The following CSMD2 variants were observed in gnomAD, a reference collection of about 807,000 sequenced individuals.
CSMD2 encodes the protein CUB and Sushi multiple domains 2, also known as CUB and sushi domain-containing protein 2.
A neutral mutation model predicts 398.5 loss-of-function variants in CSMD2; 130 were observed. That is an observed-to-expected ratio of 0.33 (90% CI 0.28 to 0.38). The LOEUF is 0.38. CSMD2 is among the 10% of genes least tolerant of loss of function. CSMD2 has a pLI of 1.00. For missense variants in CSMD2, 3,829 were observed against 4,764.9 expected, an observed-to-expected ratio of 0.80 and a Z score of 5.78; for synonymous variants, 1,828 against 1,908.5, an observed-to-expected ratio of 0.96 and a Z score of 1.10.
chr1:33,972,234 G>A (rs1645798132), intron 3 of CSMD2, among the ~76,000 whole-genome samples: 1 of 152,218 alleles, frequency 6.6e-6, no homozygotes, highest in Admixed American at 6.5e-5. Flanking sequence ...TCGAGGCTAA[G>A]CCAGGTCCCT....
intron 3 of CSMD2, among the ~76,000 whole-genome samples, chr1:33,943,586 T>A (rs749391325): frequency 3.3e-5 from 5 of 152,228 alleles, no homozygotes; most frequent in Non-Finnish European, 5.9e-5. Flanking sequence ...ACATTTTACA[T>A]GATTGGGTTT....
intron 6 of CSMD2, among the ~76,000 whole-genome samples, chr1:33,840,449 TC>T (rs1660738401): frequency 6.6e-6 from 1 of 152,124 alleles, no homozygotes; most frequent in African/African-American, 2.4e-5. Flanking sequence ...CCTCAAGACT[TC>T]CTTCAGACCT....
At chr1:33,645,161 T>C (rs1353531622) in intron 29 of CSMD2, among the ~76,000 whole-genome samples, 1 of 152,088 alleles carries the variant, frequency 6.6e-6, no homozygotes, top group African/African-American at 2.4e-5. Flanking sequence ...TTAAAAGGTA[T>C]CTGAGGTCTT....
intron 22 of CSMD2, among the ~76,000 whole-genome samples, chr1:33,706,545 G>A (rs1360609478): frequency 6.6e-6 from 1 of 152,152 alleles, no homozygotes; most frequent in Non-Finnish European, 1.5e-5. Context: ...TCTGTTCTTC[G>A]TTGCCTACAG....
At chr1:34,003,763 T>G (rs1247274468) in intron 3 of CSMD2, among the ~76,000 whole-genome samples, 2 of 152,196 alleles carry the variant, frequency 1.3e-5, no homozygotes, top group African/African-American at 4.8e-5. Context: ...CCTTGTCCTC[T>G]GTCATTCCAA....
intron 6 of CSMD2, among the ~76,000 whole-genome samples, chr1:33,833,510 T>G (rs1254410960): frequency 6.9e-6 from 1 of 145,644 alleles, no homozygotes; most frequent in Non-Finnish European, 1.5e-5. Flanking sequence ...CTCAAAATAA[T>G]AAGAGCTATC....
chr1:33,646,690 C>T lies in CSMD2; in HGVS notation c.4732G>A (p.Asp1578Asn), dbSNP rs778570107. 5.0e-6 allele frequency: 8 copies of T among 1,614,132 alleles called. No individual in the cohort carries two copies. Among genetic ancestry groups the T allele is most frequent in the Non-Finnish European group, 6.8e-6 (8 of 1,180,028 alleles). The part of the protein sequence containing the change: ...SNSLFLAFRS[D>N]ASVSNAGFVI... Reference sequence around the variant, plus strand: ...AAGCCAGCATTGCTCACAGATGCATCGCTGCGGAAGGCGAGGAAGAGGCTG... The same window carrying T: ...AAGCCAGCATTGCTCACAGATGCATTGCTGCGGAAGGCGAGGAAGAGGCTG... The change falls in exon 29 of 71, where the codon GAT (aspartate) becomes AAT (asparagine). Residue 1578 changes from aspartate (D) to asparagine (N), a missense_variant. Coordinates refer to ENST00000373381, the MANE Select transcript of CSMD2 (RefSeq NM_001281956.2).
intron 4 of CSMD2, among the ~76,000 whole-genome samples, chr1:33,919,550 A>T (rs1324263759): frequency 6.6e-6 from 1 of 152,226 alleles, no homozygotes; most frequent in Non-Finnish European, 1.5e-5. Context: ...TAAGATATAC[A>T]CCTACTCTCC....
rs1280512591 is a variant in CSMD2, at chr1:33,577,356, T to G, written c.7516A>C (p.Ile2506Leu). The change falls in exon 49 of 71, where the codon ATC (isoleucine) becomes CTC (leucine). Residue 2506 changes from isoleucine to leucine, a missense_variant. Ile to Leu is a conservative substitution (Grantham distance 5). This residue lies in a region of CSMD2 where 723 missense variants were observed against 758.6 expected (regional missense o/e 0.95). Transcript: ENST00000373381. Reference protein sequence around the residue: ...GYRLVGHSMAICTRHPQGYHL... With the variant: ...GYRLVGHSMALCTRHPQGYHL... ...TAGCCCTGGGGGTGCCGGGTACAGA[T>G]GGCCATGCTGTGTCCCACCAGGCGG... 2 of 1,614,006 alleles carry G rather than the reference T, an allele frequency of 1.2e-6. No homozygotes were observed. Among genetic ancestry groups the G allele is most frequent in the South Asian group, 2.2e-5 (2 of 91,062 alleles).
chr1:33,964,546 G>C (rs749027229), intron 3 of CSMD2, among the ~76,000 whole-genome samples: 3 of 152,206 alleles, frequency 2.0e-5, no homozygotes, highest in Non-Finnish European at 4.4e-5. Context: ...CCAGGTTTCT[G>C]ACTTGTTTTG....
intron 2 of CSMD2, among the ~76,000 whole-genome samples, chr1:34,038,171 C>T (rs368787871): frequency 4.6e-5 from 7 of 152,290 alleles, no homozygotes; most frequent in East Asian, 1.9e-4. Flanking sequence ...TTAGGAGGAG[C>T]TATGGTGTTG....
intron 2 of CSMD2, among the ~76,000 whole-genome samples, chr1:34,087,994 C>G (rs1225296058): frequency 6.6e-6 from 1 of 152,204 alleles, no homozygotes. Context: ...CCCCCCGCCT[C>G]TGCTGCAGGC....
intron 19 of CSMD2, among the ~76,000 whole-genome samples, chr1:33,721,533 T>C (rs370850243): frequency 1.8e-4 from 27 of 152,284 alleles, no homozygotes; most frequent in African/African-American, 5.5e-4. Flanking sequence ...CGTGAGGGGC[T>C]GCTTTTCTTT....
chr1:33,708,445 A>T (rs750056776), intron 22 of CSMD2, among the ~76,000 whole-genome samples: 9 of 152,322 alleles, frequency 5.9e-5, no homozygotes, highest in African/African-American at 4.8e-5. Context: ...AAACATATTT[A>T]AAAAAGCATC....
At position 33,766,164 on chromosome 1, in the gene CSMD2, C is replaced by A. The variant is rs550933350; in HGVS notation, c.1846+6405G>T. Among the ~76,000 whole-genome samples, 33 of 152,274 alleles carry A rather than the reference C, an allele frequency of 2.2e-4. 1 individual carries two copies. The South Asian group carries it at 6.4e-3, about 30-fold the overall frequency. ...TAGGAACCATTACAAACCCAAGTACCCAGTCCTGCAGTGTGGGCGCGCGTG... is the reference window on the plus strand; with the variant it reads ...TAGGAACCATTACAAACCCAAGTACACAGTCCTGCAGTGTGGGCGCGCGTG... On this transcript the variant is annotated intron_variant, in intron 13 of 70. Coordinates refer to ENST00000373381, the MANE Select transcript of CSMD2 (RefSeq NM_001281956.2).
intron 23 of CSMD2, 137 bp downstream of exon 23, chr1:33,700,380 C>T: frequency 2.4e-6 from 2 of 844,574 alleles, no homozygotes; most frequent in Non-Finnish European, 3.8e-6. Flanking sequence ...CATGCATCCA[C>T]TGATGGATAC....
At chr1:33,748,253 G>A (rs1026947942) in intron 13 of CSMD2, among the ~76,000 whole-genome samples, 1 of 152,160 alleles carries the variant, frequency 6.6e-6, no homozygotes, top group African/African-American at 2.4e-5. Flanking sequence ...ATTTCTGTAA[G>A]AGAATAGGAA....
chr1:33,561,665 G>A (rs778357108), intron 53 of CSMD2, among the ~76,000 whole-genome samples: 12 of 152,178 alleles, frequency 7.9e-5, no homozygotes, highest in East Asian at 1.9e-4. Flanking sequence ...AGAGCCCAGC[G>A]CAGTGGACCG....
At chr1:33,730,618 A>G (rs76156771) in intron 15 of CSMD2, among the ~76,000 whole-genome samples, 1 of 55,410 alleles carries the variant, frequency 1.8e-5, no homozygotes, top group South Asian at 4.4e-4. Context: ...AAAAGAAATG[A>G]AAAAAAAAAA....
Sources: allele counts gnomAD v4.1 joint callset (sites outside exome capture counted in the v4.1 genomes callset), GRCh38; gene constraint gnomAD v4.1.1; regional missense constraint gnomAD v4.1.1; transcripts MANE v1.5; gene names NCBI Gene and HGNC (gene_info 2026-07-23, HGNC 2026-07-21).